NTM: variants seen among roughly 807,000 people sequenced by gnomAD.
NTM encodes IgLON family member 2.
NTM carries 13 observed loss-of-function variants against 42.1 expected under a neutral mutation model. The observed-to-expected ratio is 0.31, with a 90% confidence interval of 0.20 to 0.49. The LOEUF (loss-of-function observed/expected upper bound fraction) is 0.49. Ranked by LOEUF, NTM falls within the 20% of genes least tolerant of loss-of-function variation. The probability of loss-of-function intolerance (pLI) is 0.99; values close to 1 mark genes in which losing one functional copy is unlikely to be tolerated. For synonymous variants in NTM, 187 were observed against 179.2 expected (o/e 1.04, Z -0.35); for missense variants, 373 against 452.8 (o/e 0.82, Z 1.60).
chr11:132,149,481 A>G (rs907981805), intron 3 of NTM, among the ~76,000 whole-genome samples: 1 of 152,234 alleles, frequency 6.6e-6, no homozygotes, highest in East Asian at 1.9e-4. Flanking sequence ...ATGTGTATTT[A>G]TGTATATGTA....
At chr11:132,063,934 C>G (rs1266976702) in intron 2 of NTM, among the ~76,000 whole-genome samples, 1 of 152,200 alleles carries the variant, frequency 6.6e-6, no homozygotes, top group Non-Finnish European at 1.5e-5. Context: ...TTAAAACACA[C>G]TTAACATGAC....
rs1297965626 is a variant in NTM, at chr11:132,097,381, T to C, written c.168-48901T>C. ...GCTGTTGGTGCCACGTCGGCCAGGA[T>C]GCTGGGGACACTCAGTCTGTGTTGC... On this transcript the variant is annotated intron_variant, in intron 2 of 8. Transcript: ENST00000683400. Among the ~76,000 whole-genome samples, 5 of 152,306 alleles carry C rather than the reference T, an allele frequency of 3.3e-5. No homozygotes were observed. The East Asian group carries it at 9.7e-4, about 30-fold the overall frequency.
intron 2 of NTM, among the ~76,000 whole-genome samples, chr11:132,118,165 G>A (rs1378772963): frequency 3.9e-5 from 6 of 151,964 alleles, no homozygotes; most frequent in Admixed American, 6.6e-5. Flanking sequence ...AATTTCTTTA[G>A]TATTTTAAAA....
intron 1 of NTM, chr11:131,771,004 C>T (rs1054504925): frequency 2.6e-5 from 4 of 152,064 alleles, no homozygotes; most frequent in South Asian, 2.1e-4. Context: ...TCACATTTAC[C>T]GTAGCACTGG....
At position 131,789,620 on chromosome 11, in the gene NTM, A is replaced by G. The variant is rs1237675211; in HGVS notation, c.83-121944A>G. Among the ~76,000 whole-genome samples the G allele has an allele frequency of 2.2e-3, 191 of 86,642 alleles. 19 individuals carry two copies. The highest frequency in any genetic ancestry group is 3.7e-3 in the Non-Finnish European group (160 of 43,306). 56.8% of individuals were successfully genotyped at this position (86,642 alleles called of 152,430 possible). ...GAAGAAGAAGAAGAAGAAGAAGAAG[A>G]AGAAGAAGAAGAAGAAAAGAAGAAG... On this transcript the variant is annotated intron_variant, in intron 1 of 8. Transcript: ENST00000683400.
intron 1 of NTM, among the ~76,000 whole-genome samples, chr11:131,378,445 A>G (rs1012452664): frequency 1.3e-5 from 2 of 152,234 alleles, no homozygotes; most frequent in Non-Finnish European, 2.9e-5. Flanking sequence ...AAGAATATAA[A>G]CAGCATCACA....
At chr11:131,504,809 C>G (rs942944096) in intron 1 of NTM, among the ~76,000 whole-genome samples, 2 of 152,130 alleles carry the variant, frequency 1.3e-5, no homozygotes. Flanking sequence ...CCGTCCACCC[C>G]CTCCACTCCT....
intron 1 of NTM, among the ~76,000 whole-genome samples, chr11:131,415,989 C>T (rs555376136): frequency 6.2e-4 from 94 of 152,248 alleles, no homozygotes; most frequent in Non-Finnish European, 1.1e-3. Context: ...AATGAAAATA[C>T]AGAATGTCCA....
At chr11:132,317,363 T>C (rs995821629) in intron 7 of NTM, among the ~76,000 whole-genome samples, 3 of 152,200 alleles carry the variant, frequency 2.0e-5, no homozygotes, top group African/African-American at 4.8e-5. Context: ...GTTAGTAGCA[T>C]GGCTCAGCAT....
chr11:131,418,220 A>G (rs765742536), intron 1 of NTM, among the ~76,000 whole-genome samples: 3 of 152,218 alleles, frequency 2.0e-5, no homozygotes, highest in Non-Finnish European at 4.4e-5. Flanking sequence ...GCAATTTTGA[A>G]TGGGATTCAG....
At chr11:132,159,610 G>C (rs2073895468) in intron 3 of NTM, among the ~76,000 whole-genome samples, 1 of 152,158 alleles carries the variant, frequency 6.6e-6, no homozygotes, top group Admixed American at 6.5e-5. Context: ...TTTGAAAGCA[G>C]AAAGGAGAAC....
intron 1 of NTM, among the ~76,000 whole-genome samples, chr11:131,532,008 T>G (rs2051349278): frequency 6.6e-6 from 1 of 152,210 alleles, no homozygotes; most frequent in African/African-American, 2.4e-5. Context: ...GCTGCCTTCA[T>G]GTATGTGTGT....
chr11:131,516,797 C>G (rs73026162), intron 1 of NTM, among the ~76,000 whole-genome samples: 21,036 of 152,152 alleles, frequency 0.14, 1,653 homozygotes, highest in East Asian at 0.26. Context: ...GAGAGAAGGT[C>G]GTTTCTTTGT....
intron 1 of NTM, among the ~76,000 whole-genome samples, chr11:131,491,934 G>A (rs12577900): frequency 0.33 from 50,135 of 152,024 alleles, 8,517 homozygotes; most frequent in East Asian, 0.49. Flanking sequence ...TTTTGTATTC[G>A]GCACTAGCTT....
At chr11:131,861,383 C>G (rs1487413242) in intron 1 of NTM, among the ~76,000 whole-genome samples, 1 of 152,178 alleles carries the variant, frequency 6.6e-6, no homozygotes, top group Non-Finnish European at 1.5e-5. Flanking sequence ...CCTCCCCCTC[C>G]CTGGGATTCA....
chr11:132,251,818 A>G (rs560244117), intron 4 of NTM, among the ~76,000 whole-genome samples: 1 of 152,210 alleles, frequency 6.6e-6, no homozygotes, highest in Non-Finnish European at 1.5e-5. Context: ...GGGACTTGGA[A>G]TTTTCTGGCT....
At chr11:131,791,718 G>C (rs748363176) in intron 1 of NTM, among the ~76,000 whole-genome samples, 1 of 152,212 alleles carries the variant, frequency 6.6e-6, no homozygotes, top group African/African-American at 2.4e-5. Flanking sequence ...TGTCGGATGT[G>C]TGAATGAATG....
chr11:131,504,218 C>T (rs73026127), intron 1 of NTM, among the ~76,000 whole-genome samples: 16 of 152,296 alleles, frequency 1.1e-4, no homozygotes, highest in Non-Finnish European at 1.9e-4. Flanking sequence ...ATCTCTGTCT[C>T]GCACAGCGCA....
intron 1 of NTM, among the ~76,000 whole-genome samples, chr11:131,785,683 G>A (rs2089033709): frequency 6.6e-6 from 1 of 152,184 alleles, no homozygotes; most frequent in Non-Finnish European, 1.5e-5. Flanking sequence ...TTGTACCCAA[G>A]ACTGCAGAGG....
Sources: gnomAD v4.1 joint callset for allele counts (sites outside exome capture counted in the v4.1 genomes callset) on GRCh38, gnomAD v4.1.1 for gene constraint, MANE v1.5 for transcripts, NCBI Gene and HGNC (gene_info 2026-07-23, HGNC 2026-07-21) for gene names.